F5: variants seen among roughly 807,000 people sequenced by gnomAD.
F5 encodes coagulation factor V, also known as activated protein c cofactor.
Under a neutral mutation model 216.4 loss-of-function variants are expected in F5, and 138 were observed. That is an observed-to-expected ratio of 0.64 (90% CI 0.56 to 0.73). The LOEUF (loss-of-function observed/expected upper bound fraction) is 0.73, where lower values mean the gene tolerates loss of function less well. Among genes scored for constraint, F5 ranks in the 30% least tolerant of loss-of-function variants. The pLI, the probability that F5 is intolerant of heterozygous loss-of-function variation, is 0.00. For synonymous variants in F5, 916 were observed against 930.7 expected (o/e 0.98, Z 0.29); for missense variants, 2,403 against 2,674.0 (o/e 0.90, Z 2.24).
intron 21 of F5, among the ~76,000 whole-genome samples, chr1:169,522,702 CAGA>C (rs2101806218): frequency 1.3e-5 from 2 of 152,204 alleles, no homozygotes; most frequent in South Asian, 4.1e-4. Flanking sequence ...CTGGAAGAAC[CAGA>C]AGGAGAATGT....
intron 7 of F5, among the ~76,000 whole-genome samples, chr1:169,553,412 T>C (rs887743167): frequency 6.6e-6 from 1 of 152,056 alleles, no homozygotes; most frequent in African/African-American, 2.4e-5. Context: ...GAAATGCAAA[T>C]CAAAACCACA....
At position 169,531,797 on chromosome 1, in the gene F5, T is replaced by C. The variant is rs540016568; in HGVS notation, c.4972-775A>G. 3.5e-4 allele frequency among the ~76,000 whole-genome samples: 53 copies of C among 152,224 alleles called. No individual in the cohort carries two copies. The South Asian group carries it at 6.0e-3, about 17-fold the overall frequency. ...CATGAAGCTCCTCCCAGCCCTTCTATAACTTCTAGTGATTAAAGACTCCCT... is the reference window on the plus strand; with the variant it reads ...CATGAAGCTCCTCCCAGCCCTTCTACAACTTCTAGTGATTAAAGACTCCCT... On this transcript the variant is annotated intron_variant, in intron 14 of 24. Coordinates refer to ENST00000367797, the MANE Select transcript of F5 (RefSeq NM_000130.5).
chr1:169,554,711 T>A (rs1352811825), intron 7 of F5, among the ~76,000 whole-genome samples: 2 of 152,274 alleles, frequency 1.3e-5, no homozygotes, highest in African/African-American at 4.8e-5. Context: ...TGTCAACAGA[T>A]GATGTCATCT....
intron 14 of F5, among the ~76,000 whole-genome samples, 194 bp from the exon 15 acceptor site, chr1:169,531,216 G>A (rs1234379182): frequency 6.6e-6 from 1 of 152,104 alleles, no homozygotes; most frequent in Non-Finnish European, 1.5e-5. Flanking sequence ...GTTTTCTCCA[G>A]AAATACCAAA....
chr1:169,572,248 C>T lies in F5; in HGVS notation c.346G>A (p.Gly116Arg). The T allele has an allele frequency of 6.2e-7, 1 of 1,613,006 alleles. No individual in the cohort carries two copies. Among genetic ancestry groups the T allele is most frequent in the Non-Finnish European group, 8.5e-7 (1 of 1,179,548 alleles). Residue 116 changes from glycine to arginine, a missense_variant, in exon 3 of 25, where the codon GGA becomes AGA. Around this residue, in one of 4 missense-constraint regions of F5, gnomAD observed 1,425 missense variants for 1,554.8 expected, o/e 0.92. Transcript: ENST00000367797. The part of the protein sequence containing the change: ...ADKPLSIHPQ[G>R]IRYSKLSEGA... The stretch of plus-strand genomic sequence containing the variant: ...TCTGATAATTTACTGTACCTAATTC[C>T]TTGAGGATGGATGCTCAAGGGCTTA...
At chr1:169,538,086 T>C (rs1216919356) in intron 13 of F5, among the ~76,000 whole-genome samples, 1 of 152,070 alleles carries the variant, frequency 6.6e-6, no homozygotes, top group Non-Finnish European at 1.5e-5. Flanking sequence ...CAAATGTCTA[T>C]AAACAAATGA....
intron 24 of F5, among the ~76,000 whole-genome samples, chr1:169,514,751 C>T (rs570884745): frequency 8.5e-5 from 13 of 152,228 alleles, no homozygotes; most frequent in African/African-American, 3.1e-4. Flanking sequence ...AGATGATCCT[C>T]TATCAGTTAT....
intron 3 of F5, among the ~76,000 whole-genome samples, chr1:169,565,627 AC>A (rs1482680684): frequency 2.6e-5 from 4 of 152,138 alleles, no homozygotes; most frequent in Non-Finnish European, 2.9e-5. Context: ...TCTTTAAAAA[AC>A]AAAAACCTGG....
At position 169,542,481 on chromosome 1, in the gene F5, A is replaced by G. The variant is rs779975799; in HGVS notation, c.2609T>C (p.Val870Ala). The change falls in exon 13 of 25, where the codon GTA (valine) becomes GCA (alanine). Residue 870 changes from valine (V) to alanine (A), a missense_variant. Val to Ala is a moderately conservative substitution (Grantham distance 64). Coordinates refer to ENST00000367797, the MANE Select transcript of F5 (RefSeq NM_000130.5). ...QEHAKHKGPKVERDQAAKHRF... is the reference protein window; with the variant it reads ...QEHAKHKGPKAERDQAAKHRF... ...GTGCTTTGCTGCTTGATCTCTTTCTACCTTGGGTCCCTTATGCTTAGCATG... is the reference window on the plus strand; with the variant it reads ...GTGCTTTGCTGCTTGATCTCTTTCTGCCTTGGGTCCCTTATGCTTAGCATG... The G allele has an allele frequency of 1.2e-6, 2 of 1,613,806 alleles. No individual in the cohort carries two copies. Among genetic ancestry groups the G allele is most frequent in the Non-Finnish European group, 1.7e-6 (2 of 1,179,970 alleles).
At chr1:169,553,174 A>G (rs1443573488) in intron 7 of F5, among the ~76,000 whole-genome samples, 1 of 152,214 alleles carries the variant, frequency 6.6e-6, no homozygotes, top group Non-Finnish European at 1.5e-5. Flanking sequence ...AGCATTGTTA[A>G]TCATAGTTCT....
At chr1:169,539,504 A>G (rs1261591678) in intron 13 of F5, among the ~76,000 whole-genome samples, 3 of 152,246 alleles carry the variant, frequency 2.0e-5, no homozygotes, top group African/African-American at 7.2e-5. Context: ...ACATTTAAAT[A>G]GGAAGTCATA....
At chr1:169,534,222 C>T (rs146698803) in intron 14 of F5, among the ~76,000 whole-genome samples, 2,187 of 152,212 alleles carry the variant, frequency 0.014, 51 homozygotes, top group African/African-American at 0.051. Flanking sequence ...ACTCGGGGAG[C>T]TCGGTTGTTG....
intron 21 of F5, among the ~76,000 whole-genome samples, chr1:169,522,135 T>G (rs905480163): frequency 1.3e-5 from 2 of 151,848 alleles, no homozygotes; most frequent in Admixed American, 1.3e-4. Flanking sequence ...TCACCCAATA[T>G]GACATAGATA....
chr1:169,576,955 T>C (rs953619683), intron 2 of F5, among the ~76,000 whole-genome samples: 3 of 152,212 alleles, frequency 2.0e-5, no homozygotes, highest in African/African-American at 7.2e-5. Context: ...CCCCTCCTGC[T>C]TCTTCAGATT....
intron 9 of F5, 67 bp from the exon 10 acceptor site, chr1:169,550,082 T>C (rs983635249): frequency 1.5e-6 from 2 of 1,302,152 alleles, no homozygotes; most frequent in Non-Finnish European, 2.2e-6. Context: ...AATAAATAAA[T>C]AAGCTTTCGC....
chr1:169,546,745 G>T (rs547835742), intron 10 of F5, among the ~76,000 whole-genome samples, 153 bp from the exon 11 acceptor site: 1 of 152,130 alleles, frequency 6.6e-6, no homozygotes, highest in African/African-American at 2.4e-5. Context: ...TCCATAAATG[G>T]TTCTGGGAAA....
intron 14 of F5, among the ~76,000 whole-genome samples, chr1:169,532,683 T>G (rs185533282): frequency 3.3e-5 from 5 of 152,072 alleles, no homozygotes. Context: ...AGGTGAAAGA[T>G]CTCTATAAGA....
chr1:169,541,977 G>A lies in F5; in HGVS notation c.3113C>T (p.Thr1038Ile), dbSNP rs767115065. The A allele has an allele frequency of 4.3e-6, 7 of 1,614,064 alleles. No homozygotes were observed. Among genetic ancestry groups the A allele is most frequent in the Non-Finnish European group, 1.7e-6 (2 of 1,180,014 alleles). ...KTRKKKKEKHTHHAPLSPRTF... is the reference protein window; with the variant it reads ...KTRKKKKEKHIHHAPLSPRTF... ...CCTCGGAGATAAAGGAGCATGGTGT[G>A]TGTGCTTCTCTTTTTTCTTTTTTCG... The change falls in exon 13 of 25, where the codon ACA becomes ATA. Residue 1038 changes from threonine to isoleucine, a missense_variant. Around this residue, in one of 4 missense-constraint regions of F5, gnomAD observed 1,425 missense variants for 1,554.8 expected, o/e 0.92. Coordinates refer to ENST00000367797, the MANE Select transcript of F5 (RefSeq NM_000130.5).
At chr1:169,552,838 A>G (rs1660205336) in intron 7 of F5, 104 bp from the exon 8 acceptor site, 1 of 831,960 alleles carries the variant, frequency 1.2e-6, no homozygotes, top group Non-Finnish European at 2.0e-6. Context: ...ATTAGCTAAC[A>G]TACTAGTTCT....
Sources: allele counts gnomAD v4.1 joint callset (sites outside exome capture counted in the v4.1 genomes callset), GRCh38; gene constraint gnomAD v4.1.1; regional missense constraint gnomAD v4.1.1; transcripts MANE v1.5; gene names NCBI Gene and HGNC (gene_info 2026-07-23, HGNC 2026-07-21).